JAKMIP1: variants seen among roughly 807,000 people sequenced by gnomAD.
The protein encoded by JAKMIP1 is janus kinase and microtubule interacting protein 1.
JAKMIP1 carries 33 observed loss-of-function variants against 113.0 expected under a neutral mutation model. The observed-to-expected ratio is 0.29, with a 90% CI of 0.22 to 0.39. The LOEUF (loss-of-function observed/expected upper bound fraction) is 0.39, where lower values mean the gene tolerates loss of function less well. Among genes scored for constraint, JAKMIP1 ranks in the 10% least tolerant of loss-of-function variants. JAKMIP1 has a pLI of 1.00. For synonymous variants in JAKMIP1, 480 were observed against 459.9 expected, an observed-to-expected ratio of 1.04 and a Z score of -0.56; for missense variants, 813 against 1,080.5, an observed-to-expected ratio of 0.75 and a Z score of 3.47.
chr4:6,074,599 C>G (rs60187093), intron 8 of JAKMIP1, among the ~76,000 whole-genome samples: 1,586 of 152,144 alleles, frequency 0.01, 32 homozygotes, highest in African/African-American at 0.036. Context: ...TCCATGGCTG[C>G]TCAAGCCCCT....
At chr4:6,035,385 CT>C in intron 19 of JAKMIP1, among the ~76,000 whole-genome samples, 1 of 152,130 alleles carries the variant, frequency 6.6e-6, no homozygotes, top group East Asian at 1.9e-4. Context: ...CTGCATGATG[CT>C]GCTGCTTCTT....
chr4:6,041,493 C>T lies in JAKMIP1; in HGVS notation c.2097+666G>A, dbSNP rs73073405. On this transcript the variant is annotated intron_variant, in intron 17 of 20. Coordinates refer to ENST00000409021, the MANE Select transcript of JAKMIP1 (RefSeq NM_001099433.2). ...TTTCTCCTTGGAGAACTCGAATTGG[C>T]CTTTGACTACTCAAGAACCACGTCT... is the stretch of plus-strand genomic sequence containing the variant. 2.2e-3 allele frequency among the ~76,000 whole-genome samples: 334 copies of T among 152,254 alleles called. 2 individuals are homozygous for T. The highest frequency in any genetic ancestry group is 7.7e-3 in the African/African-American group (319 of 41,552).
intron 1 of JAKMIP1, among the ~76,000 whole-genome samples, chr4:6,121,108 G>A (rs978167418): frequency 5.3e-5 from 8 of 150,646 alleles, no homozygotes; most frequent in African/African-American, 2.0e-4. Context: ...GCTGAGGCAG[G>A]AGAATCACTT....
intron 3 of JAKMIP1, among the ~76,000 whole-genome samples, chr4:6,103,609 A>G (rs1480941351): frequency 1.3e-5 from 2 of 152,224 alleles, no homozygotes; most frequent in Non-Finnish European, 2.9e-5. Context: ...GAAAGAATTT[A>G]CTTGTGAAGC....
intron 11 of JAKMIP1, 139 bp from the exon 12 acceptor site, chr4:6,056,898 A>C: frequency 1.7e-6 from 1 of 580,682 alleles, no homozygotes; most frequent in Non-Finnish European, 3.2e-6. Context: ...ATGTGCCCTC[A>C]TTGTCCCTGT....
At chr4:6,073,539 G>A (rs1719276577) in intron 8 of JAKMIP1, among the ~76,000 whole-genome samples, 2 of 152,362 alleles carry the variant, frequency 1.3e-5, no homozygotes, top group East Asian at 3.9e-4. Flanking sequence ...GGGAGGCAGG[G>A]TGTAGGCATG....
At chr4:6,165,921 C>T (rs572095152) in intron 1 of JAKMIP1, among the ~76,000 whole-genome samples, 1 of 152,266 alleles carries the variant, frequency 6.6e-6, no homozygotes, top group African/African-American at 2.4e-5. Flanking sequence ...TCACTCCACC[C>T]CAAGGCTCTA....
chr4:6,049,993 A>C lies in JAKMIP1; in HGVS notation c.1909-121T>G. ...CGCTCTTTCTTTTCTTTTCTGGCCA[A>C]GTTTTGCGCCCAGCCGTTCCTCTGG... On this transcript the variant is annotated intron_variant, in intron 14 of 20. Coordinates refer to ENST00000409021, the MANE Select transcript of JAKMIP1 (RefSeq NM_001099433.2). This position sits in a 1 kb window ranked among gnomAD's most constrained non-coding sequence, Gnocchi z 7.0. 1 of 694,120 alleles carries C rather than the reference A, an allele frequency of 1.4e-6. No individual in the cohort carries two copies. The highest frequency in any genetic ancestry group is 2.5e-6 in the Non-Finnish European group (1 of 399,320). The allele number at this position is 694,120 out of a possible 1,614,324, so 43.0% of individuals were successfully genotyped here. A position where few individuals can be genotyped will look rare whatever the true frequency, so the allele number is the denominator to read the frequency against.
intron 12 of JAKMIP1, 106 bp from the exon 13 acceptor site, chr4:6,054,254 CGGAGGCAA>C: frequency 9.0e-7 from 1 of 1,108,420 alleles, no homozygotes; most frequent in Non-Finnish European, 1.3e-6. Flanking sequence ...CGACTGGCCA[CGGAGGCAA>C]GGGGCAGGAG....
chr4:6,108,170 C>T lies in JAKMIP1; in HGVS notation c.130-2203G>A, dbSNP rs1328718952. ...CTGGGGACAGGGCCCTGCTGGGTCC[C>T]TCCAGCTCTGCCCAAAGCTGCTGAG... On this transcript the variant is annotated intron_variant, in intron 2 of 20. Transcript: ENST00000409021. This position sits in a 1 kb window ranked among gnomAD's most constrained non-coding sequence, Gnocchi z 5.6. Among the ~76,000 whole-genome samples, 1 of 152,202 alleles carries T rather than the reference C, an allele frequency of 6.6e-6. No homozygotes were observed. The highest frequency in any genetic ancestry group is 6.5e-5 in the Admixed American group (1 of 15,300).
chr4:6,193,311 T>C lies in JAKMIP1; in HGVS notation c.-148+6942A>G, dbSNP rs932345210. Among the ~76,000 whole-genome samples the C allele has an allele frequency of 2.0e-5, 3 of 152,206 alleles. No individual in the cohort carries two copies. Among genetic ancestry groups the C allele is most frequent in the Admixed American group, 2.0e-4 (3 of 15,280 alleles). On this transcript the variant is annotated intron_variant, in intron 1 of 20. Transcript: ENST00000409021. This position sits in a 1 kb window ranked among gnomAD's most constrained non-coding sequence, Gnocchi z 6.4. ...CAGACTGATCCGCCACTGGTTTCTTTGCTCCTCAACTTGCAGACAGCCCAT... is the reference window on the plus strand; with the variant it reads ...CAGACTGATCCGCCACTGGTTTCTTCGCTCCTCAACTTGCAGACAGCCCAT...
intron 1 of JAKMIP1, among the ~76,000 whole-genome samples, chr4:6,120,777 C>T (rs1716596795): frequency 6.6e-6 from 1 of 152,216 alleles, no homozygotes; most frequent in Non-Finnish European, 1.5e-5. Flanking sequence ...CAGCTCCTTC[C>T]ATGCGTCCTT....
chr4:6,093,510 C>T lies in JAKMIP1; in HGVS notation c.625-7881G>A, dbSNP rs190665728. ...ACTATTAACATGCAGCAATTAGCAG[C>T]GAGTCCAGATCATGTGCTGCTTCCA... On this transcript the variant is annotated intron_variant, in intron 3 of 20. Coordinates refer to ENST00000409021, the MANE Select transcript of JAKMIP1 (RefSeq NM_001099433.2). This position sits in a 1 kb window ranked among gnomAD's most constrained non-coding sequence, Gnocchi z 4.6. 6.6e-6 allele frequency among the ~76,000 whole-genome samples: 1 copy of T among 152,256 alleles called. No homozygotes were observed. Among genetic ancestry groups the T allele is most frequent in the Non-Finnish European group, 1.5e-5 (1 of 68,030 alleles).
At position 6,065,398 on chromosome 4, in the gene JAKMIP1, C is replaced by T. The variant is rs759523829; in HGVS notation, c.1303-390G>A. On this transcript the variant is annotated intron_variant, in intron 8 of 20. Coordinates refer to ENST00000409021, the MANE Select transcript of JAKMIP1 (RefSeq NM_001099433.2). The surrounding 1 kb of genome is among the most constrained non-coding windows in gnomAD (Gnocchi z 5.1). The stretch of plus-strand genomic sequence containing the variant: ...CAGAAAGCAGCCCAGCACTCCGTCA[C>T]GCTCCATGAGCAGCGCACTGGCTGT... Among the ~76,000 whole-genome samples the T allele has an allele frequency of 3.9e-5, 6 of 152,228 alleles. No individual in the cohort carries two copies. The East Asian group carries it at 5.8e-4, about 15-fold the overall frequency.
intron 1 of JAKMIP1, among the ~76,000 whole-genome samples, chr4:6,161,834 CCA>C (rs1013795315): frequency 2.0e-5 from 3 of 151,992 alleles, no homozygotes; most frequent in African/African-American, 7.2e-5. Context: ...TCACTGTGTC[CCA>C]GAGATAAATG....
chr4:6,098,767 AAAAGAAAG>A (rs1226691378), intron 3 of JAKMIP1, among the ~76,000 whole-genome samples: 1 of 151,352 alleles, frequency 6.6e-6, no homozygotes, highest in African/African-American at 2.4e-5. Context: ...AAAGAGAAAG[AAAAGAAAG>A]AAAGAAAGAA....
Position 6,192,185 on chromosome 4 carries a change from A to T in JAKMIP1, c.-148+8068T>A, listed in dbSNP as rs1033116969. Among the ~76,000 whole-genome samples the T allele has an allele frequency of 6.6e-6, 1 of 152,084 alleles. No individual in the cohort carries two copies. The highest frequency in any genetic ancestry group is 2.4e-5 in the African/African-American group (1 of 41,400). On this transcript the variant is annotated intron_variant, in intron 1 of 20. Coordinates refer to ENST00000409021, the MANE Select transcript of JAKMIP1 (RefSeq NM_001099433.2). This position sits in a 1 kb window ranked among gnomAD's most constrained non-coding sequence, Gnocchi z 5.0. ...TGACCTCAGGTGATCCACCCTCCTCAGCCTCCCAAAGTGCTGGGATTACAG... is the reference window on the plus strand; with the variant it reads ...TGACCTCAGGTGATCCACCCTCCTCTGCCTCCCAAAGTGCTGGGATTACAG...
chr4:6,050,779 C>A lies in JAKMIP1; in HGVS notation c.1807-100G>T. ...GCAAAAACCAAGGAATTCCAGTGGGCACAGACGTTACTAAAAAGCACGAGT... is the reference window on the plus strand; with the variant it reads ...GCAAAAACCAAGGAATTCCAGTGGGAACAGACGTTACTAAAAAGCACGAGT... On this transcript the variant is annotated intron_variant, in intron 13 of 20. Coordinates refer to ENST00000409021, the MANE Select transcript of JAKMIP1 (RefSeq NM_001099433.2). The surrounding 1 kb of genome is among the most constrained non-coding windows in gnomAD (Gnocchi z 7.4). 1 of 923,786 alleles carries A rather than the reference C, an allele frequency of 1.1e-6. No homozygotes were observed. Among genetic ancestry groups the A allele is most frequent in the Non-Finnish European group, 1.7e-6 (1 of 595,010 alleles). 57.2% of individuals were successfully genotyped at this position (923,786 alleles called of 1,614,324 possible).
chr4:6,077,092 T>A (rs1426740408), intron 8 of JAKMIP1, among the ~76,000 whole-genome samples: 1 of 152,242 alleles, frequency 6.6e-6, no homozygotes, highest in Non-Finnish European at 1.5e-5. Context: ...TAAGGTGTTA[T>A]GGATTAAACT....
Sources: gnomAD v4.1 joint callset for allele counts (sites outside exome capture counted in the v4.1 genomes callset) on GRCh38, gnomAD v4.1.1 for gene constraint, Gnocchi (gnomAD v3.1) non-coding constraint, MANE v1.5 for transcripts, NCBI Gene and HGNC (gene_info 2026-07-23, HGNC 2026-07-21) for gene names.